Variants in FA2H observed in about 807,000 individuals in gnomAD.
The protein encoded by FA2H is fatty acid 2-hydroxylase, also known as fatty acid alpha-hydroxylase.
Under a neutral mutation model 44.9 loss-of-function variants are expected in FA2H, and 22 were observed. That is an observed-to-expected ratio of 0.49 (90% CI 0.35 to 0.70). FA2H has a LOEUF of 0.70. Among genes scored for constraint, FA2H ranks in the 30% least tolerant of loss-of-function variants. FA2H has a pLI of 0.01. For missense variants in FA2H, 501 were observed against 504.9 expected (o/e 0.99, Z 0.07); for synonymous variants, 243 against 213.2 (o/e 1.14, Z -1.22).
At chr16:74,717,533 G>A (rs909914171) in intron 5 of FA2H, among the ~76,000 whole-genome samples, 3 of 152,262 alleles carry the variant, frequency 2.0e-5, no homozygotes, top group African/African-American at 4.8e-5. Flanking sequence ...TTCAAGCGCT[G>A]AGGTGGCGTC....
Position 74,774,553 on chromosome 16 carries a change from C to T in FA2H, c.203G>A (p.Arg68Lys). The change falls in exon 1 of 7, where the codon AGG (arginine) becomes AAG (lysine). Residue 68 changes from arginine (R) to lysine (K), a missense_variant. Physicochemically the swap from Arg to Lys is conservative, Grantham distance 26 (BLOSUM62 2). Coordinates refer to ENST00000219368, the MANE Select transcript of FA2H (RefSeq NM_024306.5). ...ISADLDGPPH[R>K]HSANARRWLE... Reference sequence around the variant, plus strand: ...CCAGCGGCGCGCGTTGGCCGAGTGCCTGTGCGGCGGCCCGTCCAGGTCGGC... The same window carrying T: ...CCAGCGGCGCGCGTTGGCCGAGTGCTTGTGCGGCGGCCCGTCCAGGTCGGC... The T allele has an allele frequency of 6.5e-7, 1 of 1,546,326 alleles. No individual in the cohort carries two copies. Among genetic ancestry groups the T allele is most frequent in the Non-Finnish European group, 8.6e-7 (1 of 1,156,704 alleles).
At chr16:74,734,099 T>A (rs1962133422) in intron 2 of FA2H, among the ~76,000 whole-genome samples, 1 of 152,244 alleles carries the variant, frequency 6.6e-6, no homozygotes, top group South Asian at 2.1e-4. Context: ...GGGCCCCATT[T>A]ACTTCTTATG....
Position 74,719,261 on chromosome 16 carries a change from C to T in FA2H, c.614-101G>A, listed in dbSNP as rs1323090376. ...ATCCCCATCAGCTCGGGAGCTGCTG[C>T]CCTCTGTTGGACAGCTACAGGGCCA... On this transcript the variant is annotated intron_variant, in intron 4 of 6. Coordinates refer to ENST00000219368, the MANE Select transcript of FA2H (RefSeq NM_024306.5). 105 of 1,040,130 alleles carry T rather than the reference C, an allele frequency of 1.0e-4. 1 individual carries two copies. Among genetic ancestry groups the T allele is most frequent in the Non-Finnish European group, 1.4e-4 (99 of 695,112 alleles). 64.4% of individuals were successfully genotyped at this position (1,040,130 alleles called of 1,614,324 possible).
rs565518016 is a variant in FA2H, at chr16:74,770,312, G to C, written c.270+4174C>G. Among the ~76,000 whole-genome samples, 219 of 152,348 alleles carry C rather than the reference G, an allele frequency of 1.4e-3. 2 individuals carry two copies. Among genetic ancestry groups the C allele is most frequent in the African/African-American group, 5.0e-3 (208 of 41,588 alleles). On this transcript the variant is annotated intron_variant, in intron 1 of 6. Coordinates refer to ENST00000219368, the MANE Select transcript of FA2H (RefSeq NM_024306.5). ...AAGAACAGAAATTGTCTCCAGCCAG[G>C]CATCTCTTTGAAAGGATATCCCACC... is the stretch of plus-strand genomic sequence containing the variant.
chr16:74,765,338 G>T (rs1352602761), intron 1 of FA2H, among the ~76,000 whole-genome samples: 1 of 152,008 alleles, frequency 6.6e-6, no homozygotes, highest in African/African-American at 2.4e-5. Flanking sequence ...TGTATTTTTA[G>T]TAGAGACGAG....
chr16:74,757,244 A>G (rs1962628119), intron 1 of FA2H, among the ~76,000 whole-genome samples: 1 of 152,240 alleles, frequency 6.6e-6, no homozygotes, highest in Non-Finnish European at 1.5e-5. Flanking sequence ...AGAAACATGG[A>G]AAGACTCAGA....
chr16:74,754,161 C>T (rs1962575716), intron 1 of FA2H, among the ~76,000 whole-genome samples: 1 of 152,150 alleles, frequency 6.6e-6, no homozygotes, highest in African/African-American at 2.4e-5. Context: ...TTTGGGAGGC[C>T]AAGGTGAGTG....
intron 6 of FA2H, among the ~76,000 whole-genome samples, chr16:74,715,539 G>C (rs929945438): frequency 6.6e-5 from 10 of 152,112 alleles, no homozygotes; most frequent in African/African-American, 2.4e-4. Context: ...GCAATCCCCT[G>C]CCTCCGCCTC....
intron 1 of FA2H, among the ~76,000 whole-genome samples, chr16:74,767,593 C>T (rs560769875): frequency 4.6e-5 from 7 of 152,130 alleles, no homozygotes; most frequent in East Asian, 1.9e-4. Flanking sequence ...TAGGAGGAGA[C>T]GCAGCAACAG....
rs541608993 is a variant in FA2H, at chr16:74,718,808, C to T, written c.786+180G>A. 1.2e-4 allele frequency among the ~76,000 whole-genome samples: 18 copies of T among 152,334 alleles called. No individual in the cohort carries two copies. In the East Asian group the frequency reaches 3.5e-3, roughly 29 times the overall value. ...TTGATGCTGCACACCCACGCTGTCC[C>T]CGCCTGGCTTAGGTTCGGATGCCCA... On this transcript the variant is annotated intron_variant, in intron 5 of 6. Transcript: ENST00000219368.
chr16:74,746,845 A>C (rs570091418), intron 1 of FA2H, among the ~76,000 whole-genome samples: 1 of 152,264 alleles, frequency 6.6e-6, no homozygotes, highest in South Asian at 2.1e-4. Context: ...AGTTGTACCA[A>C]GGCCCAGGTG....
Position 74,756,172 on chromosome 16 carries a change from C to T in FA2H, c.271-16057G>A, listed in dbSNP as rs143195913. Among the ~76,000 whole-genome samples the T allele has an allele frequency of 3.2e-3, 488 of 152,326 alleles. 5 individuals carry two copies. Among genetic ancestry groups the T allele is most frequent in the African/African-American group, 0.011 (460 of 41,574 alleles). ...CTGCCGTCCTAGCCTTGGTCATCCA[C>T]GCACACGTGGAATCTGGCCTGCAGG... On this transcript the variant is annotated intron_variant, in intron 1 of 6. Transcript: ENST00000219368.
chr16:74,720,180 C>CTTTTTTTTTTTTTTTTTTTT lies in FA2H; in HGVS notation c.614-1040_614-1021dup, dbSNP rs56341013. ...TTTGCTCCATATATTCATCCTCATC[C>CTTTTTTTTTTTTTTTTTTTT]TTTTTTTTTTTTTTTTTTTTTTTTT... On this transcript the variant is annotated intron_variant, in intron 4 of 6. Transcript: ENST00000219368. 8.5e-5 allele frequency among the ~76,000 whole-genome samples: 4 copies of CTTTTTTTTTTTTTTTTTTTT among 47,242 alleles called. 1 individual carries two copies. Among genetic ancestry groups the CTTTTTTTTTTTTTTTTTTTT allele is most frequent in the Non-Finnish European group, 1.5e-4 (4 of 27,316 alleles). The allele number at this position is 47,242 out of a possible 152,430, so 31.0% of individuals were successfully genotyped here. A position where few individuals can be genotyped will look rare whatever the true frequency, so the allele number is the denominator to read the frequency against.
At position 74,740,250 on chromosome 16, in the gene FA2H, G is replaced by A. The variant is rs183734151; in HGVS notation, c.271-135C>T. The A allele has an allele frequency of 4.5e-3, 3,344 of 736,826 alleles. 18 individuals are homozygous for A. Among genetic ancestry groups the A allele is most frequent in the Non-Finnish European group, 5.7e-3 (2,303 of 403,056 alleles). The allele number at this position is 736,826 out of a possible 1,614,324, so 45.6% of individuals were successfully genotyped here. ...GGGCAGGGTGGTGGAGATCAAGGAC[G>A]CTGGGTACTTTGGAAAACAGAGAGA... On this transcript the variant is annotated intron_variant, in intron 1 of 6. Coordinates refer to ENST00000219368, the MANE Select transcript of FA2H (RefSeq NM_024306.5).
chr16:74,740,638 T>C (rs1300059504), intron 1 of FA2H, among the ~76,000 whole-genome samples: 2 of 145,210 alleles, frequency 1.4e-5, no homozygotes, highest in Non-Finnish European at 3.0e-5. Context: ...ATAATAATAA[T>C]AATAATAATA....
chr16:74,742,847 A>AT lies in FA2H; in HGVS notation c.271-2733dup, dbSNP rs531438290. 2.3e-3 allele frequency among the ~76,000 whole-genome samples: 342 copies of AT among 151,018 alleles called. 2 individuals carry two copies. The highest frequency in any genetic ancestry group is 4.1e-3 in the Non-Finnish European group (274 of 67,598). On this transcript the variant is annotated intron_variant, in intron 1 of 6. Transcript: ENST00000219368. Reference sequence around the variant, plus strand: ...GAGTAAGACCTTGTCTCAAAAAAAAATTTTTTTTTTAATTTACTATCAGCA... The same window carrying AT: ...GAGTAAGACCTTGTCTCAAAAAAAAATTTTTTTTTTTAATTTACTATCAGCA...
Position 74,726,970 on chromosome 16 carries a change from G to A in FA2H, c.506+274C>T, listed in dbSNP as rs117356575. Among the ~76,000 whole-genome samples the A allele has an allele frequency of 1.3e-3, 200 of 152,304 alleles. No individual in the cohort carries two copies. The East Asian group carries it at 0.014, about 11-fold the overall frequency. Reference sequence around the variant, plus strand: ...ATTGCAGGCAAAATTGTTCCCATGCGCATCGTGGGCAAGAAACTCCTCATA... The same window carrying A: ...ATTGCAGGCAAAATTGTTCCCATGCACATCGTGGGCAAGAAACTCCTCATA... On this transcript the variant is annotated intron_variant, in intron 3 of 6. Transcript: ENST00000219368.
intron 2 of FA2H, 68 bp from the exon 3 acceptor site, chr16:74,727,454 C>A (rs116440781): frequency 6.6e-5 from 101 of 1,532,822 alleles, no homozygotes; most frequent in Non-Finnish European, 8.9e-5. Context: ...CCCATTTCCT[C>A]GTTACAGCAT....
At chr16:74,722,821 G>T (rs1334894033) in intron 4 of FA2H, among the ~76,000 whole-genome samples, 2 of 150,674 alleles carry the variant, frequency 1.3e-5, no homozygotes, top group Non-Finnish European at 2.9e-5. Flanking sequence ...TGAGGCAGGA[G>T]AATCGCTTGA....
Sources: gnomAD v4.1 joint callset for allele counts (sites outside exome capture counted in the v4.1 genomes callset) on GRCh38, gnomAD v4.1.1 for gene constraint, MANE v1.5 for transcripts, NCBI Gene and HGNC (gene_info 2026-07-23, HGNC 2026-07-21) for gene names.